RALYL: variants seen among roughly 807,000 people sequenced by gnomAD.
The protein encoded by RALYL is RALY RNA binding protein like.
A neutral mutation model predicts 35.1 loss-of-function variants in RALYL; 29 were observed. That is an observed-to-expected ratio of 0.83 (90% CI 0.61 to 1.13). The LOEUF (loss-of-function observed/expected upper bound fraction) is 1.13. Ranked by LOEUF, RALYL falls within the 50% of genes most tolerant of loss-of-function variation. RALYL has a pLI of 0.00. For missense variants in RALYL, 359 were observed against 360.4 expected, an observed-to-expected ratio of 1.00 and a Z score of 0.03; for synonymous variants, 120 against 127.6, an observed-to-expected ratio of 0.94 and a Z score of 0.40.
chr8:84,696,768 A>C (rs781511964), intron 2 of RALYL, among the ~76,000 whole-genome samples: 42 of 152,028 alleles, frequency 2.8e-4, no homozygotes, highest in Non-Finnish European at 4.9e-4. Flanking sequence ...GAGAATCATG[A>C]ATTTCATTTA....
At chr8:84,633,381 T>A (rs1323277624) in intron 2 of RALYL, among the ~76,000 whole-genome samples, 1 of 151,288 alleles carries the variant, frequency 6.6e-6, no homozygotes, top group African/African-American at 2.4e-5. Flanking sequence ...CCCCTGACTT[T>A]AAAAAAAAAT....
chr8:84,535,169 G>A (rs533488638), intron 2 of RALYL, among the ~76,000 whole-genome samples: 5 of 152,026 alleles, frequency 3.3e-5, no homozygotes, highest in Non-Finnish European at 5.9e-5. Flanking sequence ...TAGTATTTAC[G>A]CCCATTCTGC....
chr8:84,253,142 C>T (rs1245118214), intron 1 of RALYL, among the ~76,000 whole-genome samples: 6 of 130,230 alleles, frequency 4.6e-5, no homozygotes, highest in East Asian at 4.7e-4. Context: ...TATAAATATG[C>T]GTTTGTGTGT....
chr8:84,403,522 CTG>C lies in RALYL; in HGVS notation c.-23-125775_-23-125774del, dbSNP rs1491587651. ...TGTTCTGTTCCATTGGTCTATATCT[CTG>C]TTTTTTTTTTTTTTTTTTTTTTTTT... On this transcript the variant is annotated intron_variant, in intron 1 of 8. Transcript: ENST00000521268. Among the ~76,000 whole-genome samples, 338 of 52,120 alleles carry C rather than the reference CTG, an allele frequency of 6.5e-3. 17 individuals carry two copies. The highest frequency in any genetic ancestry group is 0.02 in the African/African-American group (300 of 14,710). The allele number at this position is 52,120 out of a possible 152,430, so 34.2% of individuals were successfully genotyped here. A position where few individuals can be genotyped will look rare whatever the true frequency, so the allele number is the denominator to read the frequency against.
intron 1 of RALYL, among the ~76,000 whole-genome samples, chr8:84,186,046 A>T (rs1032363817): frequency 6.6e-6 from 1 of 152,202 alleles, no homozygotes; most frequent in African/African-American, 2.4e-5. Context: ...AAGTCTTTGG[A>T]CATTTCATTG....
intron 1 of RALYL, among the ~76,000 whole-genome samples, chr8:84,425,783 CTGTG>C (rs1554662152): frequency 0.029 from 4,213 of 144,482 alleles, 123 homozygotes; most frequent in African/African-American, 0.076. Context: ...AGTTTTTCTT[CTGTG>C]TGTGTGTGTG....
chr8:84,627,360 G>T (rs1390502641), intron 2 of RALYL, among the ~76,000 whole-genome samples: 1 of 149,104 alleles, frequency 6.7e-6, no homozygotes, highest in African/African-American at 2.5e-5. Context: ...TTATACTAAG[G>T]CATAGCTGGG....
chr8:84,592,596 G>A (rs1223323383), intron 2 of RALYL, among the ~76,000 whole-genome samples: 1 of 152,014 alleles, frequency 6.6e-6, no homozygotes, highest in East Asian at 1.9e-4. Context: ...TTGAATGTGG[G>A]CCTGTGAATA....
chr8:84,329,959 T>C (rs926884845), intron 1 of RALYL, among the ~76,000 whole-genome samples: 1 of 151,994 alleles, frequency 6.6e-6, no homozygotes, highest in Non-Finnish European at 1.5e-5. Context: ...CACTACCTTA[T>C]AGTTAAAACA....
At chr8:84,825,783 G>A (rs879493151) in intron 4 of RALYL, among the ~76,000 whole-genome samples, 21 of 152,092 alleles carry the variant, frequency 1.4e-4, no homozygotes, top group African/African-American at 2.9e-4. Context: ...CAGGAGAACC[G>A]CTTGAACCCA....
chr8:84,873,444 C>T (rs753382046), intron 7 of RALYL, 47 bp downstream of exon 7: 15 of 1,161,178 alleles, frequency 1.3e-5, no homozygotes, highest in South Asian at 2.7e-5. Context: ...ACCAGTGAAA[C>T]GTTGTCAATC....
chr8:84,758,257 T>C (rs1218383375), intron 2 of RALYL, among the ~76,000 whole-genome samples: 3 of 152,112 alleles, frequency 2.0e-5, no homozygotes, highest in African/African-American at 7.2e-5. Context: ...CACATCAGAG[T>C]TTATTTGGTG....
intron 1 of RALYL, among the ~76,000 whole-genome samples, chr8:84,508,482 A>G (rs1022738581): frequency 1.3e-5 from 2 of 152,174 alleles, no homozygotes; most frequent in Non-Finnish European, 2.9e-5. Context: ...GGTTATTATT[A>G]GAATCAAGAA....
intron 2 of RALYL, among the ~76,000 whole-genome samples, chr8:84,546,892 G>C (rs1426723045): frequency 6.6e-6 from 1 of 152,122 alleles, no homozygotes; most frequent in Non-Finnish European, 1.5e-5. Flanking sequence ...GATAGATAGT[G>C]CTTTGTCTAT....
At position 84,226,344 on chromosome 8, in the gene RALYL, G is replaced by A. The variant is rs115355716; in HGVS notation, c.-24+41920G>A. On this transcript the variant is annotated intron_variant, in intron 1 of 8. Coordinates refer to ENST00000521268, the MANE Select transcript of RALYL (RefSeq NM_173848.7). Reference sequence around the variant, plus strand: ...AAAATTGGTCCCTGGTGCCAAAAAGGTTGGAGATCGCTGGTGTAGAGTATA... The same window carrying A: ...AAAATTGGTCCCTGGTGCCAAAAAGATTGGAGATCGCTGGTGTAGAGTATA... Among the ~76,000 whole-genome samples, 779 of 151,978 alleles carry A rather than the reference G, an allele frequency of 5.1e-3. 11 individuals are homozygous for A. Among genetic ancestry groups the A allele is most frequent in the African/African-American group, 0.017 (713 of 41,320 alleles).
At chr8:84,621,617 C>T (rs1427035830) in intron 2 of RALYL, among the ~76,000 whole-genome samples, 12 of 152,202 alleles carry the variant, frequency 7.9e-5, no homozygotes, top group Non-Finnish European at 1.5e-5. Context: ...ATCTTGGCTC[C>T]TCCCCCGACT....
At position 84,440,398 on chromosome 8, in the gene RALYL, G is replaced by A. The variant is rs1377305378; in HGVS notation, c.-23-88901G>A. On this transcript the variant is annotated intron_variant, in intron 1 of 8. Transcript: ENST00000521268. ...AATTGTGACTTTTTAAAACTTCAGT[G>A]GCTTCTGCAAAATGGAGAAAAAAAT... Among the ~76,000 whole-genome samples, 3 of 152,002 alleles carry A rather than the reference G, an allele frequency of 2.0e-5. No homozygotes were observed. The East Asian group carries it at 5.8e-4, about 29-fold the overall frequency.
At chr8:84,387,935 C>T (rs1293728992) in intron 1 of RALYL, among the ~76,000 whole-genome samples, 1 of 151,820 alleles carries the variant, frequency 6.6e-6, no homozygotes, top group Non-Finnish European at 1.5e-5. Flanking sequence ...TGCTGGTGCA[C>T]TGCACCCACT....
At chr8:84,340,970 A>G (rs1848678665) in intron 1 of RALYL, among the ~76,000 whole-genome samples, 1 of 151,908 alleles carries the variant, frequency 6.6e-6, no homozygotes, top group South Asian at 2.1e-4. Context: ...TAATTTTGCA[A>G]GTATTTGTTG....
Sources: gnomAD v4.1 joint callset for allele counts (sites outside exome capture counted in the v4.1 genomes callset) on GRCh38, gnomAD v4.1.1 for gene constraint, MANE v1.5 for transcripts, NCBI Gene and HGNC (gene_info 2026-07-23, HGNC 2026-07-21) for gene names.